Variants in FSAF1 observed in about 807,000 individuals in gnomAD.
The protein encoded by FSAF1 is 40S small subunit processome assembly factor 1.
chr1:231,236,340 C>T, the FSAF1 span, among the ~76,000 whole-genome samples: 1 of 151,986 alleles, frequency 6.6e-6, no homozygotes, highest in East Asian at 1.9e-4. Context: ...GTTTCCTTAA[C>T]CAGACACACT....
At chr1:231,236,304 ATG>A in the FSAF1 span, among the ~76,000 whole-genome samples, 5 of 152,198 alleles carry the variant, frequency 3.3e-5, no homozygotes, top group African/African-American at 9.7e-5. Context: ...TTACAGGTGT[ATG>A]TGTTTTTAAT....
chr1:231,225,794 G>A, the FSAF1 span: 1 of 452,888 alleles, frequency 2.2e-6, no homozygotes, highest in Non-Finnish European at 4.0e-6. Flanking sequence ...TTCAAGACCA[G>A]CCTGGGCAAC....
the FSAF1 span, chr1:231,224,309 C>A: frequency 1.2e-6 from 2 of 1,611,934 alleles, no homozygotes; most frequent in Middle Eastern, 1.7e-4. Context: ...AATTTATTTT[C>A]TTGATATCAA....
chr1:231,233,794 G>A, the FSAF1 span, among the ~76,000 whole-genome samples: 5 of 152,222 alleles, frequency 3.3e-5, no homozygotes, highest in African/African-American at 9.6e-5. Context: ...CTTGTGATCC[G>A]CCTGCCTCAG....
At chr1:231,226,211 ATGAG>A in the FSAF1 span, among the ~76,000 whole-genome samples, 4 of 152,028 alleles carry the variant, frequency 2.6e-5, no homozygotes, top group Non-Finnish European at 4.4e-5. Context: ...CCTCATGGTA[ATGAG>A]TGAGTTCTCC....
chr1:231,239,239 C>T, the FSAF1 span: 10 of 1,440,830 alleles, frequency 6.9e-6, no homozygotes, highest in African/African-American at 1.3e-4. Context: ...TCTTAGCTAT[C>T]ATCAGTATCA....
the FSAF1 span, among the ~76,000 whole-genome samples, chr1:231,232,615 A>G: frequency 6.6e-6 from 1 of 152,236 alleles, no homozygotes; most frequent in Non-Finnish European, 1.5e-5. Flanking sequence ...AGCCTAACCT[A>G]TCGCAACTAA....
the FSAF1 span, chr1:231,225,598 G>T: frequency 1.5e-6 from 2 of 1,312,730 alleles, no homozygotes; most frequent in Non-Finnish European, 2.2e-6. Context: ...AGAGGTTTGT[G>T]ACCAAAAGTC....
chr1:231,229,019 C>A, the FSAF1 span: 1 of 546,570 alleles, frequency 1.8e-6, no homozygotes, highest in Non-Finnish European at 3.1e-6. Context: ...TTTATAATAC[C>A]TAACATCTAT....
the FSAF1 span, chr1:231,226,945 G>A: frequency 1.9e-6 from 3 of 1,612,786 alleles, no homozygotes; most frequent in Non-Finnish European, 2.5e-6. Context: ...ATGTTGTCTA[G>A]TGATGAAAGG....
the FSAF1 span, chr1:231,239,271 C>T: frequency 8.1e-7 from 1 of 1,238,682 alleles, no homozygotes; most frequent in Non-Finnish European, 1.1e-6. Flanking sequence ...TGTATTTGTA[C>T]ATATTCCAGG....
At chr1:231,229,238 T>C in the FSAF1 span, 2 of 1,423,942 alleles carry the variant, frequency 1.4e-6, no homozygotes, top group Non-Finnish European at 2.0e-6. Context: ...ATTTAGATCA[T>C]CTGTTACTAT....
chr1:231,228,805 G>T, the FSAF1 span, among the ~76,000 whole-genome samples: 1 of 152,156 alleles, frequency 6.6e-6, no homozygotes, highest in Admixed American at 6.5e-5. Flanking sequence ...TGGCTAACAT[G>T]GGGAAACCCC....
the FSAF1 span, chr1:231,238,007 C>G: frequency 1.3e-5 from 2 of 152,116 alleles, no homozygotes; most frequent in East Asian, 1.9e-4. Context: ...ATGGTGAAAC[C>G]CTGACTCTAC....
chr1:231,224,077 C>T, the FSAF1 span: 1 of 490,014 alleles, frequency 2.0e-6, no homozygotes, highest in Non-Finnish European at 3.4e-6. Flanking sequence ...CACATTCATG[C>T]TGCACTGGGC....
chr1:231,226,530 G>T, the FSAF1 span: 22 of 603,386 alleles, frequency 3.6e-5, no homozygotes, highest in South Asian at 4.5e-4. Context: ...CAAGGAGTTT[G>T]CTATTTCAAA....
chr1:231,237,336 C>T, the FSAF1 span: 1 of 152,212 alleles, frequency 6.6e-6, no homozygotes, highest in Non-Finnish European at 1.5e-5. Flanking sequence ...AAACCATCTT[C>T]GTAGTGGGTA....
chr1:231,230,588 A>G, the FSAF1 span, among the ~76,000 whole-genome samples: 1 of 152,148 alleles, frequency 6.6e-6, no homozygotes, highest in Admixed American at 6.5e-5. Flanking sequence ...CCACCCTGCA[A>G]CTACACAGTC....
the FSAF1 span, among the ~76,000 whole-genome samples, chr1:231,236,269 G>A: frequency 6.6e-6 from 1 of 152,036 alleles, no homozygotes; most frequent in East Asian, 1.9e-4. Context: ...TTTCCACACC[G>A]CAATGTCAAC....
Sources: gnomAD v4.1 joint callset for allele counts (sites outside exome capture counted in the v4.1 genomes callset) on GRCh38, gnomAD v4.1.1 for gene constraint, MANE v1.5 for transcripts, NCBI Gene and HGNC (gene_info 2026-07-23, HGNC 2026-07-21) for gene names.